Variants in WDR25 observed in about 807,000 individuals in gnomAD.
WDR25 encodes WD repeat domain 25, also known as WD repeat-containing protein 25.
Under a neutral mutation model 47.7 loss-of-function variants are expected in WDR25, and 35 were observed. The observed-to-expected ratio is 0.73, with a 90% CI of 0.56 to 0.97. WDR25 has a LOEUF of 0.97. WDR25 is among the 50% of genes least tolerant of loss of function. The pLI is 0.00. For missense variants in WDR25, 634 were observed against 704.7 expected, an observed-to-expected ratio of 0.90 and a Z score of 1.14; for synonymous variants, 248 against 278.9, an observed-to-expected ratio of 0.89 and a Z score of 1.10.
At chr14:100,435,665 GTTCA>G (rs10681858) in intron 2 of WDR25, among the ~76,000 whole-genome samples, 1 of 151,932 alleles carries the variant, frequency 6.6e-6, no homozygotes, top group African/African-American at 2.4e-5. Flanking sequence ...TCAATCATTC[GTTCA>G]TTCATTCATT....
At chr14:100,393,161 A>G (rs1268151099) in intron 2 of WDR25, among the ~76,000 whole-genome samples, 1 of 152,252 alleles carries the variant, frequency 6.6e-6, no homozygotes, top group East Asian at 1.9e-4. Context: ...TAGAATTCTA[A>G]TTTGAATACA....
In WDR25 at chr14:100,385,166, G is replaced by A. The variant is rs776762984; in HGVS notation, c.822+3420G>A. Among the ~76,000 whole-genome samples, 128 of 152,290 alleles carry A rather than the reference G, an allele frequency of 8.4e-4. 1 individual carries two copies. The Middle Eastern group carries it at 0.01, about 12-fold the overall frequency. ...ATCAGCTTCACCTACTAGACTTTAA[G>A]CTTCCTGAGCCAGAACCCATTTTTA... On this transcript the variant is annotated intron_variant, in intron 2 of 6. Coordinates refer to ENST00000402312, the MANE Select transcript of WDR25 (RefSeq NM_001161476.3).
At chr14:100,443,468 C>T (rs1027174842) in intron 2 of WDR25, among the ~76,000 whole-genome samples, 3 of 152,152 alleles carry the variant, frequency 2.0e-5, no homozygotes, top group African/African-American at 7.2e-5. Flanking sequence ...GGGCAGGGCC[C>T]TCCATTCTCT....
At chr14:100,450,824 A>C (rs1158612172) in intron 2 of WDR25, among the ~76,000 whole-genome samples, 1 of 152,224 alleles carries the variant, frequency 6.6e-6, no homozygotes, top group Non-Finnish European at 1.5e-5. Flanking sequence ...CTGTGTGCAG[A>C]TTAAGCACAC....
At chr14:100,422,115 A>C (rs1898043320) in intron 2 of WDR25, among the ~76,000 whole-genome samples, 1 of 152,212 alleles carries the variant, frequency 6.6e-6, no homozygotes, top group African/African-American at 2.4e-5. Flanking sequence ...CAGTTTGGGC[A>C]GGGCTTGGTG....
At chr14:100,462,127 A>G (rs1899435615) in intron 2 of WDR25, among the ~76,000 whole-genome samples, 1 of 152,178 alleles carries the variant, frequency 6.6e-6, no homozygotes, top group African/African-American at 2.4e-5. Context: ...TACTTGTTCA[A>G]TCTTTGGAGA....
rs929561332 is a variant in WDR25 at position 100,440,236 on chromosome 14, G to T, written c.823-27785G>T. On this transcript the variant is annotated intron_variant, in intron 2 of 6. Coordinates refer to ENST00000402312, the MANE Select transcript of WDR25 (RefSeq NM_001161476.3). The surrounding 1 kb of genome is among the most constrained non-coding windows in gnomAD (Gnocchi z 4.4). The stretch of plus-strand genomic sequence containing the variant: ...TCTTTATGTGTGTCAGTCATAGCAG[G>T]GGAGTGTTTTCCTCTTGGATGCGTT... 6.6e-6 allele frequency among the ~76,000 whole-genome samples: 1 copy of T among 152,186 alleles called. No individual in the cohort carries two copies. The highest frequency in any genetic ancestry group is 1.5e-5 in the Non-Finnish European group (1 of 68,030).
intron 2 of WDR25, among the ~76,000 whole-genome samples, chr14:100,437,031 A>G (rs111428902): frequency 0.048 from 7,367 of 152,270 alleles, 573 homozygotes; most frequent in African/African-American, 0.17. Flanking sequence ...GCTGTGCCTT[A>G]GCCATTTGGG....
intron 2 of WDR25, among the ~76,000 whole-genome samples, chr14:100,412,041 AC>A (rs1186315053): frequency 6.6e-6 from 1 of 152,106 alleles, no homozygotes; most frequent in African/African-American, 2.4e-5. Context: ...CCCCATCTCT[AC>A]AAAAAATAGA....
chr14:100,483,044 C>T (rs545199880), intron 3 of WDR25, among the ~76,000 whole-genome samples: 1 of 152,284 alleles, frequency 6.6e-6, no homozygotes, highest in South Asian at 2.1e-4. Context: ...CACTCAGAGA[C>T]TCCCACAGTG....
chr14:100,413,187 TA>T (rs2140194765), intron 2 of WDR25, among the ~76,000 whole-genome samples: 1 of 152,296 alleles, frequency 6.6e-6, no homozygotes, highest in Non-Finnish European at 1.5e-5. Flanking sequence ...AACTTAACAA[TA>T]AAATGCAGCC....
At chr14:100,382,184 G>A in intron 2 of WDR25, 1 of 702,966 alleles carries the variant, frequency 1.4e-6, no homozygotes. Flanking sequence ...GTCAGGGCTT[G>A]CACAGTGAGG....
At chr14:100,442,652 C>T (rs975530926) in intron 2 of WDR25, among the ~76,000 whole-genome samples, 3 of 152,078 alleles carry the variant, frequency 2.0e-5, no homozygotes, top group Non-Finnish European at 4.4e-5. Context: ...GTTGCAGGGG[C>T]AGTAATTTAA....
intron 2 of WDR25, among the ~76,000 whole-genome samples, chr14:100,384,748 C>G (rs11622502): frequency 0.18 from 27,818 of 151,912 alleles, 2,702 homozygotes; most frequent in Non-Finnish European, 0.21. Flanking sequence ...CAGCAGTACA[C>G]CCTTCCCAGG....
chr14:100,490,328 T>A (rs1900521638), intron 4 of WDR25, among the ~76,000 whole-genome samples: 1 of 152,262 alleles, frequency 6.6e-6, no homozygotes, highest in Non-Finnish European at 1.5e-5. Flanking sequence ...GTCGCATGAA[T>A]GACTGATAGC....
Position 100,380,875 on chromosome 14 carries a change from C to A in WDR25, c.-15-35C>A, listed in dbSNP as rs748588480. On this transcript the variant is annotated intron_variant, in intron 1 of 6. Transcript: ENST00000402312. Reference sequence around the variant, plus strand: ...ATAACTACATACATATTCTTCCATGCACATTTTCTGACGGTTGACCTTGTT... The same window carrying A: ...ATAACTACATACATATTCTTCCATGAACATTTTCTGACGGTTGACCTTGTT... 1.2e-5 allele frequency: 19 copies of A among 1,559,996 alleles called. No homozygotes were observed. In the South Asian group the frequency reaches 2.1e-4, roughly 17 times the overall value.
At chr14:100,409,573 G>A (rs930539792) in intron 2 of WDR25, among the ~76,000 whole-genome samples, 1 of 152,114 alleles carries the variant, frequency 6.6e-6, no homozygotes, top group African/African-American at 2.4e-5. Context: ...AATTGCTGTG[G>A]GTGATCCCTG....
rs78168427 is a variant in WDR25 at position 100,430,286 on chromosome 14, C to T, written c.823-37735C>T. Among the ~76,000 whole-genome samples the T allele has an allele frequency of 0.022, 3,325 of 152,112 alleles. 57 individuals carry two copies. Among genetic ancestry groups the T allele is most frequent in the Non-Finnish European group, 0.036 (2,459 of 68,000 alleles). ...ACCTCTGCCCAGCCAGTCAGAGTCA[C>T]CTCCGGACCTCCTGCTTCCTGATCT... On this transcript the variant is annotated intron_variant, in intron 2 of 6. Coordinates refer to ENST00000402312, the MANE Select transcript of WDR25 (RefSeq NM_001161476.3). The surrounding 1 kb of genome is among the most constrained non-coding windows in gnomAD (Gnocchi z 4.7).
At chr14:100,433,428 A>T (rs1898401638) in intron 2 of WDR25, among the ~76,000 whole-genome samples, 1 of 152,198 alleles carries the variant, frequency 6.6e-6, no homozygotes, top group Admixed American at 6.5e-5. Context: ...GGCAGTGTTA[A>T]CTTTGATCAC....
Sources: allele counts gnomAD v4.1 joint callset (sites outside exome capture counted in the v4.1 genomes callset), GRCh38; gene constraint gnomAD v4.1.1; non-coding constraint Gnocchi (gnomAD v3.1); transcripts MANE v1.5; gene names NCBI Gene and HGNC (gene_info 2026-07-23, HGNC 2026-07-21).